Variants in SLC35F4 observed in about 807,000 individuals in gnomAD.
SLC35F4 encodes chromosome 14 open reading frame 36.
A neutral mutation model predicts 44.2 loss-of-function variants in SLC35F4; 24 were observed. The observed-to-expected ratio is 0.54, with a 90% confidence interval of 0.39 to 0.76. SLC35F4 has a LOEUF of 0.76. Among genes scored for constraint, SLC35F4 ranks in the 30% least tolerant of loss-of-function variants. SLC35F4 has a pLI of 0.00. For missense variants in SLC35F4, 562 were observed against 586.1 expected (o/e 0.96, Z 0.42); for synonymous variants, 238 against 223.6 (o/e 1.06, Z -0.57).
intron 1 of SLC35F4, among the ~76,000 whole-genome samples, chr14:57,852,582 C>A (rs1465404774): frequency 6.6e-6 from 1 of 152,116 alleles, no homozygotes; most frequent in Non-Finnish European, 1.5e-5. Flanking sequence ...CAAGCACTTG[C>A]AATTTTCAAA....
intron 1 of SLC35F4, among the ~76,000 whole-genome samples, chr14:57,807,773 C>T (rs1299838217): frequency 6.6e-6 from 1 of 151,834 alleles, no homozygotes; most frequent in African/African-American, 2.4e-5. Flanking sequence ...TTTATTTTTA[C>T]TTGCCAGGCA....
At chr14:57,649,389 C>A (rs1482841973) in intron 1 of SLC35F4, among the ~76,000 whole-genome samples, 1 of 152,104 alleles carries the variant, frequency 6.6e-6, no homozygotes, top group Non-Finnish European at 1.5e-5. Flanking sequence ...AAGCTGCCTG[C>A]CTTCTTTGGC....
At chr14:57,753,249 C>T (rs186213961) in intron 1 of SLC35F4, among the ~76,000 whole-genome samples, 41 of 152,292 alleles carry the variant, frequency 2.7e-4, no homozygotes, top group Admixed American at 1.4e-3. Flanking sequence ...ACACAAGCCC[C>T]GCTATCACTA....
At chr14:57,708,588 G>A (rs1436388145) in intron 1 of SLC35F4, among the ~76,000 whole-genome samples, 2 of 152,212 alleles carry the variant, frequency 1.3e-5, no homozygotes, top group Non-Finnish European at 2.9e-5. Context: ...TTGCAGATGA[G>A]AAACTTGTTG....
chr14:57,614,481 C>G (rs2071691198), intron 1 of SLC35F4, among the ~76,000 whole-genome samples: 1 of 152,150 alleles, frequency 6.6e-6, no homozygotes, highest in Non-Finnish European at 1.5e-5. Context: ...TTTCTTTAAG[C>G]TGATACATGG....
intron 1 of SLC35F4, among the ~76,000 whole-genome samples, chr14:57,799,984 C>T (rs1178882635): frequency 2.6e-5 from 4 of 152,080 alleles, no homozygotes; most frequent in East Asian, 1.9e-4. Flanking sequence ...CCCACACAAC[C>T]TAGCACAGCT....
Position 57,962,971 on chromosome 14 carries a change from G to GA in SLC35F4, n.282+18941dup, listed in dbSNP as rs199703657. Reference sequence around the variant, plus strand: ...GTCTTTTTCTCCACTAAATAGGGGGGAAAAAAGAAAAAAAATACTGCTCTG... The same window carrying GA: ...GTCTTTTTCTCCACTAAATAGGGGGGAAAAAAAGAAAAAAAATACTGCTCTG... On this transcript the variant is annotated intron_variant and non_coding_transcript_variant, in intron 1 of 1. Coordinates refer to the SLC35F4 transcript ENST00000556568. Among the ~76,000 whole-genome samples, 41 of 150,708 alleles carry GA rather than the reference G, an allele frequency of 2.7e-4. No individual in the cohort carries two copies. The East Asian group carries it at 6.8e-3, about 25-fold the overall frequency.
intron 1 of SLC35F4, among the ~76,000 whole-genome samples, chr14:57,803,338 A>G (rs1880881748): frequency 6.6e-6 from 1 of 152,188 alleles, no homozygotes; most frequent in Non-Finnish European, 1.5e-5. Context: ...ACAAACCCAC[A>G]GCCAATATCA....
intron 1 of SLC35F4, among the ~76,000 whole-genome samples, chr14:57,708,103 G>A (rs1322012967): frequency 6.6e-6 from 1 of 152,112 alleles, no homozygotes; most frequent in Non-Finnish European, 1.5e-5. Context: ...TTGCTCCTGG[G>A]GATAACATGA....
intron 1 of SLC35F4, among the ~76,000 whole-genome samples, chr14:57,913,848 T>G (rs1313849290): frequency 1.3e-5 from 2 of 152,216 alleles, no homozygotes; most frequent in Non-Finnish European, 2.9e-5. Context: ...CTTTTAACAT[T>G]TCTTGCAAGG....
At chr14:57,866,537 G>A (rs1382685993), upstream of SLC35F4, among the ~76,000 whole-genome samples, 1 of 152,140 alleles carries the variant, frequency 6.6e-6, no homozygotes, top group African/African-American at 2.4e-5. Context: ...GGTATATGGA[G>A]TGATTATCCA....
At chr14:57,671,196 G>A (rs2074510275) in intron 1 of SLC35F4, among the ~76,000 whole-genome samples, 1 of 152,078 alleles carries the variant, frequency 6.6e-6, no homozygotes, top group African/African-American at 2.4e-5. Flanking sequence ...GTGACCTTCT[G>A]AGGTTTGCCC....
intron 1 of SLC35F4, among the ~76,000 whole-genome samples, chr14:57,737,421 AT>A (rs2076494098): frequency 1.3e-5 from 2 of 152,192 alleles, no homozygotes; most frequent in Admixed American, 6.5e-5. Flanking sequence ...CTTTGAAAGT[AT>A]ATAAGCTTGC....
At chr14:57,638,351 T>A (rs745430421) in intron 1 of SLC35F4, among the ~76,000 whole-genome samples, 6 of 152,152 alleles carry the variant, frequency 3.9e-5, no homozygotes, top group Non-Finnish European at 7.4e-5. Flanking sequence ...TAGGGCCTAA[T>A]TGTAATGCAT....
intron 1 of SLC35F4, among the ~76,000 whole-genome samples, chr14:57,761,301 A>G (rs1446581053): frequency 6.6e-6 from 1 of 152,190 alleles, no homozygotes; most frequent in Non-Finnish European, 1.5e-5. Context: ...ATCTTGATGT[A>G]CATATCTGCA....
intron 1 of SLC35F4, among the ~76,000 whole-genome samples, chr14:57,785,563 C>T (rs1431560408): frequency 6.6e-6 from 1 of 152,166 alleles, no homozygotes; most frequent in African/African-American, 2.4e-5. Flanking sequence ...ACTGCTCATA[C>T]AGGACCCAGG....
rs537010785 is a variant in SLC35F4, at chr14:57,708,144, A to G, written c.104-114020T>C. On this transcript the variant is annotated intron_variant, in intron 1 of 7. Transcript: ENST00000556826. ...GTAAAACCTAAGATCAGTGCTTGAGATATTTTGCAGACCCTGCACTTGATG... is the reference window on the plus strand; with the variant it reads ...GTAAAACCTAAGATCAGTGCTTGAGGTATTTTGCAGACCCTGCACTTGATG... 4.6e-5 allele frequency among the ~76,000 whole-genome samples: 7 copies of G among 152,252 alleles called. No individual in the cohort carries two copies. The South Asian group carries it at 1.5e-3, about 32-fold the overall frequency.
rs548432632 is a variant in SLC35F4 at position 57,566,650 on chromosome 14, T to G, written c.1127-86A>C. On this transcript the variant is annotated intron_variant, in intron 6 of 7. Coordinates refer to ENST00000556826, the MANE Select transcript of SLC35F4 (RefSeq NM_001306087.2). ...CTTATAGTAAATGAATCAATGTCTT[T>G]GCTACATGTGCCTTTTAAACTGTCT... 3.9e-4 allele frequency: 502 copies of G among 1,303,582 alleles called. 7 individuals carry two copies. In the South Asian group the frequency reaches 6.1e-3, roughly 16 times the overall value. The allele number at this position is 1,303,582 out of a possible 1,614,324, so 80.8% of individuals were successfully genotyped here. A position where few individuals can be genotyped will look rare whatever the true frequency, so the allele number is the denominator to read the frequency against.
intron 1 of SLC35F4, among the ~76,000 whole-genome samples, chr14:57,831,705 G>A (rs1884389506): frequency 6.6e-6 from 1 of 152,166 alleles, no homozygotes; most frequent in Non-Finnish European, 1.5e-5. Context: ...AAACCTTGGA[G>A]CTTTTTTCTC....
Sources: gnomAD v4.1 joint callset for allele counts (sites outside exome capture counted in the v4.1 genomes callset) on GRCh38, gnomAD v4.1.1 for gene constraint, MANE v1.5 for transcripts, NCBI Gene and HGNC (gene_info 2026-07-23, HGNC 2026-07-21) for gene names.